The following DAAM2 variants were observed in gnomAD, a reference collection of about 807,000 sequenced individuals.
DAAM2 encodes the protein dishevelled associated activator of morphogenesis 2.
A neutral mutation model predicts 120.7 loss-of-function variants in DAAM2; 39 were observed. The observed-to-expected ratio is 0.32, with a 90% confidence interval of 0.25 to 0.42. DAAM2 has a LOEUF of 0.42. DAAM2 is among the 10% of genes least tolerant of loss of function. DAAM2 has a pLI of 1.00. For synonymous variants in DAAM2, 488 were observed against 524.9 expected (o/e 0.93, Z 0.96); for missense variants, 1,283 against 1,401.7 (o/e 0.92, Z 1.35).
At chr6:39,817,363 G>C (rs1762339598) in intron 1 of DAAM2, among the ~76,000 whole-genome samples, 1 of 152,180 alleles carries the variant, frequency 6.6e-6, no homozygotes, top group African/African-American at 2.4e-5. Context: ...TTCAGTGACT[G>C]AAAACAACAA....
intron 1 of DAAM2, among the ~76,000 whole-genome samples, chr6:39,852,978 T>A (rs1763870151): frequency 6.6e-6 from 1 of 152,132 alleles, no homozygotes; most frequent in African/African-American, 2.4e-5. Flanking sequence ...TAAACTAAGC[T>A]ATAGAGATTG....
chr6:39,896,180 A>G (rs554546354), intron 19 of DAAM2, among the ~76,000 whole-genome samples: 1 of 150,118 alleles, frequency 6.7e-6, no homozygotes, highest in South Asian at 2.2e-4. Context: ...CATGGAAAGA[A>G]TATCTGAATA....
chr6:39,845,155 C>T (rs1763516743), intron 1 of DAAM2, among the ~76,000 whole-genome samples: 1 of 148,832 alleles, frequency 6.7e-6, no homozygotes, highest in Non-Finnish European at 1.5e-5. Context: ...CACACATATA[C>T]ACCACACATA....
At chr6:39,898,459 T>C (rs904765624) in intron 21 of DAAM2, among the ~76,000 whole-genome samples, 25 of 152,268 alleles carry the variant, frequency 1.6e-4, no homozygotes, top group African/African-American at 5.8e-4. Flanking sequence ...TCTAGGCTGA[T>C]AGATGTCATC....
Position 39,884,592 on chromosome 6 carries a change from C to A in DAAM2, c.1953+523C>A. ...GAAGGCAGAAGGTGCTGCTCCATGT[C>A]ACTCAGGGGGCTGAGGCTGAGGCTG... On this transcript the variant is annotated intron_variant, in intron 15 of 24. Coordinates refer to ENST00000274867, the MANE Select transcript of DAAM2 (RefSeq NM_001201427.2). The A allele has an allele frequency of 2.0e-5, 3 of 153,544 alleles. No homozygotes were observed. The South Asian group carries it at 5.5e-4, about 28-fold the overall frequency. 9.5% of individuals were successfully genotyped at this position (153,544 alleles called of 1,614,324 possible). A position where few individuals can be genotyped will look rare whatever the true frequency, so the allele number is the denominator to read the frequency against.
intron 1 of DAAM2, among the ~76,000 whole-genome samples, chr6:39,846,061 G>A (rs1763576361): frequency 6.6e-6 from 1 of 152,138 alleles, no homozygotes; most frequent in African/African-American, 2.4e-5. Context: ...TAAAACAAAT[G>A]CATCCAAGGC....
intron 2 of DAAM2, among the ~76,000 whole-genome samples, chr6:39,857,246 AT>A (rs1562030506): frequency 6.6e-6 from 1 of 152,254 alleles, no homozygotes; most frequent in African/African-American, 2.4e-5. Context: ...GTAAAGAGCC[AT>A]AAGTACATGT....
rs149152447 is a variant in DAAM2, at chr6:39,817,145, A to T, written c.-57+24680A>T. 2.0e-3 allele frequency among the ~76,000 whole-genome samples: 309 copies of T among 152,280 alleles called. 1 individual carries two copies. Among genetic ancestry groups the T allele is most frequent in the African/African-American group, 7.0e-3 (292 of 41,562 alleles). On this transcript the variant is annotated intron_variant, in intron 1 of 24. Transcript: ENST00000274867. ...TGGATTCTGGGTTAAGACTCCCAGG[A>T]TCCCAACATACACAACAGGGAAACT...
At chr6:39,860,787 CAT>C in intron 2 of DAAM2, 139 bp from the exon 3 acceptor site, 1 of 707,730 alleles carries the variant, frequency 1.4e-6, no homozygotes. Flanking sequence ...AATGCCCTAT[CAT>C]ATCTTTGATG....
At chr6:39,853,165 T>C (rs1763876884) in intron 1 of DAAM2, among the ~76,000 whole-genome samples, 1 of 152,166 alleles carries the variant, frequency 6.6e-6, no homozygotes, top group Non-Finnish European at 1.5e-5. Flanking sequence ...GATAAGACAG[T>C]TCCTCTTTGG....
chr6:39,856,310 C>T lies in DAAM2; in HGVS notation c.8C>T (p.Pro3Leu), dbSNP rs1763999451. The change falls in exon 2 of 25, where the codon CCC (proline) becomes CTC (leucine). Residue 3 changes from proline (P) to leucine (L), a missense_variant. By Grantham distance (98) the Pro-to-Leu change is moderately conservative. Transcript: ENST00000274867. ...CCCTGGCCTGCAGTGACCATGGCCC[C>T]CCGCAAGAGGAGCCACCATGGCCTG... MAPRKRSHHGLGF... is the reference protein window; with the variant it reads MALRKRSHHGLGF... 1 of 1,533,684 alleles carries T rather than the reference C, an allele frequency of 6.5e-7. No homozygotes were observed. The highest frequency in any genetic ancestry group is 2.5e-5 in the East Asian group (1 of 39,678).
intron 23 of DAAM2, among the ~76,000 whole-genome samples, chr6:39,900,844 T>G (rs1266098718): frequency 6.6e-6 from 1 of 152,164 alleles, no homozygotes; most frequent in Non-Finnish European, 1.5e-5. Flanking sequence ...TATATAAATA[T>G]AGCCACTGTT....
rs755610439 is a variant in DAAM2, at chr6:39,901,744, G to A, written c.2983-69G>A. ...ACCATGGCCTAGGAGTTAGCCCAGGGTTGGGGGGCTGCCCTGGCCTCAGCG... is the reference window on the plus strand; with the variant it reads ...ACCATGGCCTAGGAGTTAGCCCAGGATTGGGGGGCTGCCCTGGCCTCAGCG... On this transcript the variant is annotated intron_variant, in intron 24 of 24. Coordinates refer to ENST00000274867, the MANE Select transcript of DAAM2 (RefSeq NM_001201427.2). The surrounding 1 kb of genome is among the most constrained non-coding windows in gnomAD (Gnocchi z 4.5). 1.9e-5 allele frequency: 27 copies of A among 1,395,556 alleles called. No homozygotes were observed. The highest frequency in any genetic ancestry group is 2.7e-5 in the Admixed American group (1 of 36,856). 86.4% of individuals were successfully genotyped at this position (1,395,556 alleles called of 1,614,324 possible). A position where few individuals can be genotyped will look rare whatever the true frequency, so the allele number is the denominator to read the frequency against.
Position 39,856,325 on chromosome 6 carries a change from AC to A in DAAM2, c.25del (p.His9MetfsTer117). On this transcript the variant is annotated frameshift_variant, in exon 2 of 25. Transcript: ENST00000274867. LOFTEE classifies it high-confidence loss of function. ...ACCATGGCCCCCCGCAAGAGGAGCC[AC>A]CATGGCCTGGGCTTCCTGTGCTGCT... is the stretch of plus-strand genomic sequence containing the variant. Reference protein sequence around the residue: MAPRKRSHHGLGFLCCFG... With the variant: MAPRKRSXHGLGFLCCFG... 6.5e-7 allele frequency: 1 copy of A among 1,547,694 alleles called. No individual in the cohort carries two copies. Among genetic ancestry groups the A allele is most frequent in the Non-Finnish European group, 8.7e-7 (1 of 1,147,162 alleles).
At chr6:39,832,502 C>T (rs887780537) in intron 1 of DAAM2, among the ~76,000 whole-genome samples, 12 of 152,136 alleles carry the variant, frequency 7.9e-5, no homozygotes, top group South Asian at 2.1e-4. Context: ...ACATGAATAA[C>T]GACACTCAGC....
chr6:39,859,797 A>G (rs1215998943), intron 2 of DAAM2, among the ~76,000 whole-genome samples: 2 of 152,174 alleles, frequency 1.3e-5, no homozygotes, highest in African/African-American at 2.4e-5. Context: ...CGCCCATGTT[A>G]TCTTTCTATT....
chr6:39,898,899 G>A lies in DAAM2; in HGVS notation c.2641G>A (p.Val881Met), dbSNP rs759619689. ...KVNLAELEKE[V>M]GNLRRGLRAV... ...CAGCCTAGCAGAACTGGAGAAGGAG[G>A]TGGGCAACCTCAGGAGGGGCCTGAG... Residue 881 changes from valine (V) to methionine (M), a missense_variant, in exon 22 of 25, where the codon GTG (valine) becomes ATG (methionine). Val to Met is a conservative substitution (Grantham distance 21). Around this residue, in one of 3 missense-constraint regions of DAAM2, gnomAD observed 748 missense variants for 768.6 expected, o/e 0.97. Coordinates refer to ENST00000274867, the MANE Select transcript of DAAM2 (RefSeq NM_001201427.2). The A allele has an allele frequency of 1.5e-5, 24 of 1,612,966 alleles. No homozygotes were observed. Among genetic ancestry groups the A allele is most frequent in the Non-Finnish European group, 2.0e-5 (24 of 1,179,576 alleles).
chr6:39,794,950 C>T (rs1761657280), intron 1 of DAAM2, among the ~76,000 whole-genome samples: 2 of 152,188 alleles, frequency 1.3e-5, no homozygotes, highest in Admixed American at 1.3e-4. Flanking sequence ...CATACAACTC[C>T]TCAGGGACAG....
At chr6:39,890,964 C>G (rs536603116) in intron 17 of DAAM2, among the ~76,000 whole-genome samples, 9 of 152,024 alleles carry the variant, frequency 5.9e-5, no homozygotes, top group African/African-American at 2.2e-4. Flanking sequence ...GTATGTGCTA[C>G]ATGCCTATAT....
Sources: gnomAD v4.1 joint callset for allele counts (sites outside exome capture counted in the v4.1 genomes callset) on GRCh38, gnomAD v4.1.1 for gene constraint, gnomAD v4.1.1 regional missense constraint, Gnocchi (gnomAD v3.1) non-coding constraint, MANE v1.5 for transcripts, NCBI Gene and HGNC (gene_info 2026-07-23, HGNC 2026-07-21) for gene names.